ADGRL3: variants seen among roughly 807,000 people sequenced by gnomAD.
ADGRL3 encodes adhesion G protein-coupled receptor L3.
Under a neutral mutation model 153.5 loss-of-function variants are expected in ADGRL3, and 62 were observed. The ratio of observed to expected loss-of-function variants is 0.40; its 90% CI spans 0.33 to 0.50. The LOEUF (loss-of-function observed/expected upper bound fraction) is 0.50, where lower values mean the gene tolerates loss of function less well. ADGRL3 is among the 20% of genes least tolerant of loss of function. The pLI, the probability that ADGRL3 is intolerant of heterozygous loss-of-function variation, is 0.47. For missense variants in ADGRL3, 1,641 were observed against 1,859.4 expected (o/e 0.88, Z 2.16); for synonymous variants, 710 against 672.5 (o/e 1.06, Z -0.86).
intron 19 of ADGRL3, among the ~76,000 whole-genome samples, chr4:61,995,626 T>C (rs2099119064): frequency 6.6e-6 from 1 of 152,202 alleles, no homozygotes. Context: ...AGAACGAAAA[T>C]GTAATTTCCC....
At chr4:61,370,532 G>C (rs1229600818) in intron 1 of ADGRL3, among the ~76,000 whole-genome samples, 1 of 152,176 alleles carries the variant, frequency 6.6e-6, no homozygotes, top group East Asian at 1.9e-4. Flanking sequence ...CCATGTAGTT[G>C]AGTGGTTTTG....
At chr4:61,377,770 AAGGT>A (rs2096621654) in intron 1 of ADGRL3, among the ~76,000 whole-genome samples, 1 of 151,488 alleles carries the variant, frequency 6.6e-6, no homozygotes, top group Admixed American at 6.6e-5. Context: ...CTCTTTGTTT[AAGGT>A]AGAAGCTTTG....
At chr4:61,841,171 A>G (rs1388442181) in intron 9 of ADGRL3, among the ~76,000 whole-genome samples, 1 of 152,102 alleles carries the variant, frequency 6.6e-6, no homozygotes, top group Non-Finnish European at 1.5e-5. Flanking sequence ...CCTCTCTTTC[A>G]TATTTTGCAA....
chr4:61,834,780 A>G (rs1483244418), intron 9 of ADGRL3, among the ~76,000 whole-genome samples: 2 of 152,168 alleles, frequency 1.3e-5, no homozygotes. Context: ...CCATAATTTT[A>G]GTACAGTGTT....
chr4:61,957,230 T>C (rs2098970558), intron 17 of ADGRL3, among the ~76,000 whole-genome samples: 1 of 152,100 alleles, frequency 6.6e-6, no homozygotes, highest in Non-Finnish European at 1.5e-5. Flanking sequence ...GGTTTGTAGT[T>C]CTCCTTGAAG....
chr4:61,405,336 G>T (rs896188211), intron 2 of ADGRL3, among the ~76,000 whole-genome samples: 1 of 151,916 alleles, frequency 6.6e-6, no homozygotes, highest in African/African-American at 2.4e-5. Flanking sequence ...GTTACTATAC[G>T]TAAAGGACAC....
intron 2 of ADGRL3, among the ~76,000 whole-genome samples, chr4:61,410,680 T>G (rs1275949772): frequency 6.6e-6 from 1 of 152,180 alleles, no homozygotes; most frequent in African/African-American, 2.4e-5. Context: ...CTTCTGTGCC[T>G]GGACATACTC....
At chr4:61,620,963 G>A (rs2092466507) in intron 5 of ADGRL3, among the ~76,000 whole-genome samples, 1 of 151,954 alleles carries the variant, frequency 6.6e-6, no homozygotes, top group Non-Finnish European at 1.5e-5. Context: ...TTAAAGGATA[G>A]TTCTTTTCTG....
chr4:61,450,236 A>C (rs1239285776), intron 2 of ADGRL3, among the ~76,000 whole-genome samples: 9 of 152,218 alleles, frequency 5.9e-5, no homozygotes, highest in Admixed American at 5.9e-4. Context: ...TCTACATTAA[A>C]GAAAACTGTT....
At chr4:61,212,551 A>T (rs1316819718) in intron 1 of ADGRL3, among the ~76,000 whole-genome samples, 1 of 152,180 alleles carries the variant, frequency 6.6e-6, no homozygotes, top group South Asian at 2.1e-4. Flanking sequence ...CTGAATATTA[A>T]TGATGACACT....
chr4:61,555,267 T>G (rs1221219444), intron 4 of ADGRL3, among the ~76,000 whole-genome samples: 3 of 152,168 alleles, frequency 2.0e-5, no homozygotes, highest in Admixed American at 6.5e-5. Flanking sequence ...TTCATATACT[T>G]TAGAATATTA....
chr4:61,410,365 T>G (rs968805718), intron 2 of ADGRL3, among the ~76,000 whole-genome samples: 16 of 152,134 alleles, frequency 1.1e-4, no homozygotes, highest in Admixed American at 8.5e-4. Context: ...TTCCTTTTCT[T>G]TTTCTCTCTT....
chr4:61,694,605 T>C (rs1266247743), intron 6 of ADGRL3, among the ~76,000 whole-genome samples: 1 of 152,180 alleles, frequency 6.6e-6, no homozygotes, highest in Admixed American at 6.6e-5. Context: ...CTTGCCTCAG[T>C]GCTAATGGCT....
intron 19 of ADGRL3, among the ~76,000 whole-genome samples, chr4:61,984,219 T>C (rs1287373342): frequency 2.0e-5 from 3 of 152,126 alleles, no homozygotes; most frequent in African/African-American, 7.2e-5. Flanking sequence ...ATACCCAGAG[T>C]AAATCAAAGT....
At chr4:61,280,568 A>G (rs2093683645) in intron 1 of ADGRL3, among the ~76,000 whole-genome samples, 1 of 152,020 alleles carries the variant, frequency 6.6e-6, no homozygotes. Context: ...TTAAATTAAA[A>G]TTTCCTTCCC....
chr4:62,012,045 A>G lies in ADGRL3; in HGVS notation c.3395+13780A>G, dbSNP rs1031178569. On this transcript the variant is annotated intron_variant, in intron 21 of 26. Transcript: ENST00000683033. ...TTAATATATATAATTTTATGTGAAA[A>G]TTGACCAAAATTTGCTGACTTAAAA... is the stretch of plus-strand genomic sequence containing the variant. Among the ~76,000 whole-genome samples the G allele has an allele frequency of 9.9e-5, 15 of 152,090 alleles. 1 individual carries two copies. Among genetic ancestry groups the G allele is most frequent in the African/African-American group, 3.6e-4 (15 of 41,428 alleles).
At chr4:61,458,630 TAAC>T (rs1402757296) in intron 2 of ADGRL3, among the ~76,000 whole-genome samples, 1 of 151,522 alleles carries the variant, frequency 6.6e-6, no homozygotes, top group Non-Finnish European at 1.5e-5. Flanking sequence ...AACTCTTAAA[TAAC>T]AAAAATATAA....
chr4:61,588,923 CCTTTCTCTGATT>C (rs1034157998), intron 5 of ADGRL3, among the ~76,000 whole-genome samples: 4 of 151,940 alleles, frequency 2.6e-5, no homozygotes, highest in African/African-American at 9.7e-5. Flanking sequence ...GGAAATTCTG[CCTTTCTCTGATT>C]CATTTTTCAC....
intron 4 of ADGRL3, among the ~76,000 whole-genome samples, chr4:61,536,603 T>A (rs1009124801): frequency 1.3e-5 from 2 of 152,124 alleles, no homozygotes; most frequent in African/African-American, 4.8e-5. Context: ...TAGGTAAATC[T>A]TCTTGTTGCA....
Sources: allele counts gnomAD v4.1 joint callset (sites outside exome capture counted in the v4.1 genomes callset), GRCh38; gene constraint gnomAD v4.1.1; transcripts MANE v1.5; gene names NCBI Gene and HGNC (gene_info 2026-07-23, HGNC 2026-07-21).